Variants in PTPRS observed in about 807,000 individuals in gnomAD.
The protein encoded by PTPRS is protein tyrosine phosphatase receptor type S.
PTPRS carries 63 observed loss-of-function variants against 215.3 expected under a neutral mutation model. That is an observed-to-expected ratio of 0.29 (90% CI 0.24 to 0.36). The LOEUF (loss-of-function observed/expected upper bound fraction) is 0.36. Ranked by LOEUF, PTPRS falls within the 10% of genes least tolerant of loss-of-function variation. PTPRS has a pLI of 1.00. For missense variants in PTPRS, 2,258 were observed against 2,825.8 expected (o/e 0.80, Z 4.56); for synonymous variants, 1,404 against 1,191.4 (o/e 1.18, Z -3.68).
In PTPRS at chr19:5,223,215, C is replaced by G. The variant is rs374861165; in HGVS notation, c.2577G>C (p.Ala859=). The G allele has an allele frequency of 2.0e-6, 3 of 1,510,246 alleles. No individual in the cohort carries two copies. The highest frequency in any genetic ancestry group is 2.7e-6 in the Non-Finnish European group (3 of 1,128,908). 93.6% of individuals were successfully genotyped at this position (1,510,246 alleles called of 1,614,324 possible). A position where few individuals can be genotyped will look rare whatever the true frequency, so the allele number is the denominator to read the frequency against. ...LARWEPPAGT[A]EDQVLGYRLQ... ...GGCGGTAGCCCAGCACCTGGTCCTC[C>G]GCGGTGCCAGCCGGGGGCTCCCAGC... Residue 859 remains alanine (A), a synonymous_variant, in exon 18 of 38, where the codon GCG becomes GCC. Transcript: ENST00000262963.
At chr19:5,256,070 G>A in intron 9 of PTPRS, 38 bp downstream of exon 9, 1 of 1,497,728 alleles carries the variant, frequency 6.7e-7, no homozygotes, top group Non-Finnish European at 9.2e-7. Context: ...ATGTAAAAAT[G>A]TGGGTAAAGA....
intron 1 of PTPRS, among the ~76,000 whole-genome samples, chr19:5,324,502 G>C (rs775994127): frequency 2.6e-5 from 4 of 152,178 alleles, no homozygotes; most frequent in African/African-American, 9.7e-5. Context: ...CCAGGCTGGC[G>C]GCAGCTGATC....
chr19:5,304,043 C>T (rs963148767), intron 1 of PTPRS, among the ~76,000 whole-genome samples: 2 of 152,138 alleles, frequency 1.3e-5, no homozygotes, highest in Non-Finnish European at 2.9e-5. Context: ...AACTGTCACA[C>T]CCCAGTAATG....
intron 14 of PTPRS, 50 bp from the exon 15 acceptor site, chr19:5,229,734 G>T (rs930559624): frequency 1.3e-5 from 14 of 1,111,610 alleles, no homozygotes; most frequent in African/African-American, 9.8e-5. Flanking sequence ...TTACCAGGGC[G>T]CCCGGCCCTG....
At chr19:5,265,985 C>G (rs999488509) in intron 4 of PTPRS, among the ~76,000 whole-genome samples, 1 of 152,028 alleles carries the variant, frequency 6.6e-6, no homozygotes, top group Non-Finnish European at 1.5e-5. Context: ...ATCAGCTGGA[C>G]GCGGTGGCTC....
chr19:5,269,135 TTTCA>T (rs1477378601), intron 4 of PTPRS, among the ~76,000 whole-genome samples: 1 of 152,112 alleles, frequency 6.6e-6, no homozygotes, highest in Non-Finnish European at 1.5e-5. Flanking sequence ...GAACCCTGTA[TTTCA>T]TTCATGCGTG....
chr19:5,221,943 C>T (rs779199783), intron 19 of PTPRS, among the ~76,000 whole-genome samples, 180 bp downstream of exon 19: 3 of 152,182 alleles, frequency 2.0e-5, no homozygotes, highest in Non-Finnish European at 2.9e-5. Flanking sequence ...GATCTCCAAT[C>T]CTAGGCTGGG....
At chr19:5,219,224 T>G in intron 23 of PTPRS, 86 bp downstream of exon 23, 1 of 1,539,218 alleles carries the variant, frequency 6.5e-7, no homozygotes. Flanking sequence ...AGACCTTTAG[T>G]GATGATTCTC....
At chr19:5,269,304 C>T (rs777965363) in intron 4 of PTPRS, among the ~76,000 whole-genome samples, 5 of 152,190 alleles carry the variant, frequency 3.3e-5, no homozygotes, top group Middle Eastern at 3.4e-3. Flanking sequence ...GGCCGCCTGA[C>T]GCTACCGAGA....
chr19:5,234,079 C>T (rs2043236960), intron 13 of PTPRS, among the ~76,000 whole-genome samples: 1 of 147,944 alleles, frequency 6.8e-6, no homozygotes. Flanking sequence ...CATACAATAA[C>T]AGCAAATGCA....
intron 17 of PTPRS, among the ~76,000 whole-genome samples, chr19:5,224,623 G>A (rs1190173302): frequency 6.6e-6 from 1 of 152,220 alleles, no homozygotes; most frequent in African/African-American, 2.4e-5. Flanking sequence ...TGAATGGACT[G>A]CTATGAATAC....
chr19:5,286,045 C>G lies in PTPRS; in HGVS notation c.91+5G>C. 3 of 1,612,410 alleles carry G rather than the reference C, an allele frequency of 1.9e-6. No homozygotes were observed. The highest frequency in any genetic ancestry group is 2.5e-6 in the Non-Finnish European group (3 of 1,178,618). ...ACCCCTGCACATCCCGTGCCGGCTT[C>G]TTACCTTCTGCTGCACAGCCTCCAA... On this transcript the variant is annotated splice_donor_5th_base_variant and intron_variant, in intron 2 of 37. Coordinates refer to ENST00000262963, the MANE Select transcript of PTPRS (RefSeq NM_002850.4).
Position 5,210,478 on chromosome 19 carries a change from T to C in PTPRS, c.5478A>G (p.Thr1826=), listed in dbSNP as rs140470178. ...CTGTCTCTTCACTCACCCGGGCATC[T>C]GTGACCTTGAACTCTCGCAGGATAT... ...PQYILREFKV[T]DARDGQSRTV... is the part of the protein sequence containing the mutation. The change falls in exon 35 of 38, where the codon ACA becomes ACG. Residue 1826 remains threonine (T), a synonymous_variant. Coordinates refer to ENST00000262963, the MANE Select transcript of PTPRS (RefSeq NM_002850.4). This position sits in a 1 kb window ranked among gnomAD's most constrained non-coding sequence, Gnocchi z 4.5. 38 of 1,614,060 alleles carry C rather than the reference T, an allele frequency of 2.4e-5. No homozygotes were observed. The African/African-American group carries it at 4.9e-4, about 21-fold the overall frequency.
intron 5 of PTPRS, among the ~76,000 whole-genome samples, chr19:5,264,743 A>T (rs56698767): frequency 1.3e-5 from 2 of 151,906 alleles, no homozygotes; most frequent in Non-Finnish European, 2.9e-5. Flanking sequence ...TGCATCCATT[A>T]TATCTTCATT....
At chr19:5,222,305 G>A (rs2042047435) in intron 18 of PTPRS, 85 bp from the exon 19 acceptor site, 1 of 1,182,990 alleles carries the variant, frequency 8.5e-7, no homozygotes, top group Non-Finnish European at 1.2e-6. Flanking sequence ...GCGGGGTGGG[G>A]TGGGGCGGCC....
intron 7 of PTPRS, among the ~76,000 whole-genome samples, 174 bp downstream of exon 7, chr19:5,260,631 T>TGGCCACAGACAC (rs1247669606): frequency 1.3e-5 from 2 of 152,172 alleles, no homozygotes; most frequent in Non-Finnish European, 2.9e-5. Context: ...TTCAGCCCCC[T>TGGCCACAGACAC]GGCCACAGAC....
chr19:5,212,174 C>T lies in PTPRS; in HGVS notation c.4846G>A (p.Asp1616Asn). The T allele has an allele frequency of 3.7e-6, 6 of 1,614,010 alleles. No homozygotes were observed. The highest frequency in any genetic ancestry group is 2.2e-5 in the East Asian group (1 of 44,884). The change falls in exon 32 of 38, where the codon GAT becomes AAT. Residue 1616 changes from aspartate (D) to asparagine (N), a missense_variant. By Grantham distance (23) the Asp-to-Asn change is conservative. Coordinates refer to ENST00000262963, the MANE Select transcript of PTPRS (RefSeq NM_002850.4). The stretch of plus-strand genomic sequence containing the variant: ...ATGAGCGTCACGTGGCCATAGACAT[C>T]GACTGTCTTCTCTGGCTTGATCCGC... The part of the protein sequence containing the change: ...LERIKPEKTV[D>N]VYGHVTLMRS...
chr19:5,271,772 T>A (rs1255160134), intron 4 of PTPRS, among the ~76,000 whole-genome samples: 1 of 151,896 alleles, frequency 6.6e-6, no homozygotes, highest in East Asian at 1.9e-4. Flanking sequence ...TCGCCCAGGC[T>A]GGAGTGCAAT....
At chr19:5,214,517 G>A (rs1048085103) in intron 29 of PTPRS, 37 bp from the exon 30 acceptor site, 1 of 1,613,192 alleles carries the variant, frequency 6.2e-7, no homozygotes, top group East Asian at 2.2e-5. Context: ...AGCAGGGACA[G>A]GCTGACTGGC....
Sources: gnomAD v4.1 joint callset for allele counts (sites outside exome capture counted in the v4.1 genomes callset) on GRCh38, gnomAD v4.1.1 for gene constraint, Gnocchi (gnomAD v3.1) non-coding constraint, MANE v1.5 for transcripts, NCBI Gene and HGNC (gene_info 2026-07-23, HGNC 2026-07-21) for gene names.